The following ASB13 variants were observed in gnomAD, a reference collection of about 807,000 sequenced individuals.
ASB13 encodes the protein ankyrin repeat and SOCS box containing 13.
Under a neutral mutation model 28.8 loss-of-function variants are expected in ASB13, and 33 were observed. That is an observed-to-expected ratio of 1.15 (90% CI 0.87 to 1.53). The LOEUF is 1.53. ASB13 is among the 40% of genes most tolerant of loss of function. ASB13 has a pLI of 0.00. For synonymous variants in ASB13, 182 were observed against 172.9 expected (o/e 1.05, Z -0.41); for missense variants, 414 against 390.1 (o/e 1.06, Z -0.52).
At position 5,651,713 on chromosome 10, in the gene ASB13, C is replaced by G; in HGVS notation, c.232-350G>C. 5.2e-6 allele frequency: 1 copy of G among 192,214 alleles called. No individual in the cohort carries two copies. The highest frequency in any genetic ancestry group is 1.1e-4 in the South Asian group (1 of 9,118). 11.9% of individuals were successfully genotyped at this position (192,214 alleles called of 1,614,324 possible). On this transcript the variant is annotated intron_variant, in intron 2 of 5. Coordinates refer to ENST00000357700, the MANE Select transcript of ASB13 (RefSeq NM_024701.4). This position sits in a 1 kb window ranked among gnomAD's most constrained non-coding sequence, Gnocchi z 5.1. ...GCTTTAAAAATGAGTTTTAAAAACC[C>G]TAACCTCAGCTGGGCACAGTGGCTC...
In ASB13 at chr10:5,645,348, G is replaced by A. The variant is rs1834867023; in HGVS notation, c.518-3387C>T. On this transcript the variant is annotated intron_variant, in intron 4 of 5. Coordinates refer to ENST00000357700, the MANE Select transcript of ASB13 (RefSeq NM_024701.4). This position sits in a 1 kb window ranked among gnomAD's most constrained non-coding sequence, Gnocchi z 5.4. ...TGCCAGGGCCAGTGCTAAGAACAAA[G>A]GTGGAAGCAGGACCGTCCTCAGGGA... Among the ~76,000 whole-genome samples, 1 of 152,068 alleles carries A rather than the reference G, an allele frequency of 6.6e-6. No homozygotes were observed.
intron 1 of ASB13, among the ~76,000 whole-genome samples, chr10:5,665,112 C>T (rs1463120438): frequency 1.3e-5 from 2 of 152,226 alleles, no homozygotes; most frequent in Non-Finnish European, 2.9e-5. Flanking sequence ...CTGCCTCGGC[C>T]TCCCAAAGTG....
At position 5,641,906 on chromosome 10, in the gene ASB13, C is replaced by T. The variant is rs751970743; in HGVS notation, c.573G>A (p.Lys191=). Residue 191 remains lysine, a synonymous_variant, in exon 5 of 6, where the codon AAG becomes AAA. Coordinates refer to ENST00000357700, the MANE Select transcript of ASB13 (RefSeq NM_024701.4). The surrounding 1 kb of genome is among the most constrained non-coding windows in gnomAD (Gnocchi z 8.4). ...LHETALHHAA[K]VKNVDLIEML... is the part of the protein sequence containing the mutation. Reference sequence around the variant, plus strand: ...TCTCGATGAGGTCAACATTCTTGACCTTGGCCGCGTGGTGAAGGGCAGTCT... The same window carrying T: ...TCTCGATGAGGTCAACATTCTTGACTTTGGCCGCGTGGTGAAGGGCAGTCT... 6 of 1,613,774 alleles carry T rather than the reference C, an allele frequency of 3.7e-6. No individual in the cohort carries two copies. The East Asian group carries it at 8.9e-5, about 24-fold the overall frequency.
chr10:5,665,658 G>A (rs981164316), intron 1 of ASB13, among the ~76,000 whole-genome samples: 2 of 152,168 alleles, frequency 1.3e-5, no homozygotes, highest in African/African-American at 4.8e-5. Context: ...CTTTGATCAT[G>A]TCAAAGGTGG....
At position 5,650,114 on chromosome 10, in the gene ASB13, C is replaced by T. The variant is rs1293302496; in HGVS notation, c.383-1010G>A. Among the ~76,000 whole-genome samples, 1 of 152,138 alleles carries T rather than the reference C, an allele frequency of 6.6e-6. No individual in the cohort carries two copies. Among genetic ancestry groups the T allele is most frequent in the Non-Finnish European group, 1.5e-5 (1 of 68,026 alleles). ...TGACTCAAACCTGACTCATTTCTGA[C>T]CTCTTGAGCCTCCCCTTCATACGAA... On this transcript the variant is annotated intron_variant, in intron 3 of 5. Coordinates refer to ENST00000357700, the MANE Select transcript of ASB13 (RefSeq NM_024701.4). This position sits in a 1 kb window ranked among gnomAD's most constrained non-coding sequence, Gnocchi z 6.0.
In ASB13 at chr10:5,640,496, C is replaced by T. The variant is rs111505741; in HGVS notation, c.*207G>A. The T allele has an allele frequency of 3.0e-3, 1,809 of 610,188 alleles. 31 individuals are homozygous for T. Among genetic ancestry groups the T allele is most frequent in the African/African-American group, 0.027 (1,446 of 54,010 alleles). 37.8% of individuals were successfully genotyped at this position (610,188 alleles called of 1,614,324 possible). ...GAACAGCGCAGGGCCACACCCACAA[C>T]TGTGACCTGAGACGCAGGCCTTCCC... On this transcript the variant is annotated 3_prime_UTR_variant, in exon 6 of 6. Coordinates refer to ENST00000357700, the MANE Select transcript of ASB13 (RefSeq NM_024701.4).
chr10:5,651,499 C>T lies in ASB13; in HGVS notation c.232-136G>A, dbSNP rs905176148. On this transcript the variant is annotated intron_variant, in intron 2 of 5. Coordinates refer to ENST00000357700, the MANE Select transcript of ASB13 (RefSeq NM_024701.4). This position sits in a 1 kb window ranked among gnomAD's most constrained non-coding sequence, Gnocchi z 5.1. ...TGCTTTGCTATTATGTGCTAGGCAACGACACTGAAAGAGATAGCACGTGGC... is the reference window on the plus strand; with the variant it reads ...TGCTTTGCTATTATGTGCTAGGCAATGACACTGAAAGAGATAGCACGTGGC... 1.0e-5 allele frequency: 10 copies of T among 996,570 alleles called. No homozygotes were observed. Among genetic ancestry groups the T allele is most frequent in the South Asian group, 3.5e-5 (2 of 57,908 alleles). The allele number at this position is 996,570 out of a possible 1,614,324, so 61.7% of individuals were successfully genotyped here.
intron 1 of ASB13, among the ~76,000 whole-genome samples, chr10:5,665,837 G>A (rs1432009811): frequency 6.6e-6 from 1 of 151,682 alleles, no homozygotes; most frequent in Non-Finnish European, 1.5e-5. Flanking sequence ...TGCTTCCGTC[G>A]CTCATTTCAG....
In ASB13 at chr10:5,652,077, A is replaced by G. The variant is rs1390953395; in HGVS notation, c.232-714T>C. Among the ~76,000 whole-genome samples, 1 of 145,914 alleles carries G rather than the reference A, an allele frequency of 6.9e-6. No homozygotes were observed. The highest frequency in any genetic ancestry group is 2.6e-5 in the African/African-American group (1 of 38,822). On this transcript the variant is annotated intron_variant, in intron 2 of 5. Coordinates refer to ENST00000357700, the MANE Select transcript of ASB13 (RefSeq NM_024701.4). This position sits in a 1 kb window ranked among gnomAD's most constrained non-coding sequence, Gnocchi z 5.0. Reference sequence around the variant, plus strand: ...ACACACACACAAAACTCTAACCTCAATGGAAGGAATGCCTGAGACAGCTTA... The same window carrying G: ...ACACACACACAAAACTCTAACCTCAGTGGAAGGAATGCCTGAGACAGCTTA...
chr10:5,660,940 G>A lies in ASB13; in HGVS notation c.43+5569C>T, dbSNP rs1320537513. ...CGCCAGCTGGCTGCTGCACAGCCAGGTTCTGCTGGCCGGAGACCACCAGCA... is the reference window on the plus strand; with the variant it reads ...CGCCAGCTGGCTGCTGCACAGCCAGATTCTGCTGGCCGGAGACCACCAGCA... On this transcript the variant is annotated intron_variant, in intron 1 of 5. Transcript: ENST00000357700. The surrounding 1 kb of genome is among the most constrained non-coding windows in gnomAD (Gnocchi z 6.1). Among the ~76,000 whole-genome samples the A allele has an allele frequency of 6.6e-6, 1 of 152,236 alleles. No individual in the cohort carries two copies.
At chr10:5,662,576 G>GAGAAA in intron 1 of ASB13, among the ~76,000 whole-genome samples, 1 of 84,702 alleles carries the variant, frequency 1.2e-5, no homozygotes, top group East Asian at 3.0e-4. Context: ...GAGAAGAGAA[G>GAGAAA]AGAAGAGAAG....
In ASB13 at chr10:5,659,624, C is replaced by G. The variant is rs750730246; in HGVS notation, c.44-6574G>C. 7.2e-5 allele frequency among the ~76,000 whole-genome samples: 11 copies of G among 152,118 alleles called. No homozygotes were observed. Among genetic ancestry groups the G allele is most frequent in the Non-Finnish European group, 8.8e-5 (6 of 68,010 alleles). On this transcript the variant is annotated intron_variant, in intron 1 of 5. Transcript: ENST00000357700. This position sits in a 1 kb window ranked among gnomAD's most constrained non-coding sequence, Gnocchi z 5.8. The stretch of plus-strand genomic sequence containing the variant: ...TGAAATTCCTCGACTGAGGGGACCC[C>G]TGCTCCTTCAGGAAGCCTCCCGAGC...
rs1003335239 is a variant in ASB13, at chr10:5,655,872, C to A, written c.44-2822G>T. 6.6e-6 allele frequency among the ~76,000 whole-genome samples: 1 copy of A among 152,198 alleles called. No individual in the cohort carries two copies. Among genetic ancestry groups the A allele is most frequent in the Admixed American group, 6.5e-5 (1 of 15,286 alleles). ...CAGGAGGCCACCTGAGCCGGGAAGGCGCGTTCCCGACGTGCCTCCATTCAC... is the reference window on the plus strand; with the variant it reads ...CAGGAGGCCACCTGAGCCGGGAAGGAGCGTTCCCGACGTGCCTCCATTCAC... On this transcript the variant is annotated intron_variant, in intron 1 of 5. Transcript: ENST00000357700. This position sits in a 1 kb window ranked among gnomAD's most constrained non-coding sequence, Gnocchi z 6.2.
At position 5,640,616 on chromosome 10, in the gene ASB13, A is replaced by G; in HGVS notation, c.*87T>C. 2 of 1,545,854 alleles carry G rather than the reference A, an allele frequency of 1.3e-6. No individual in the cohort carries two copies. The highest frequency in any genetic ancestry group is 1.8e-6 in the Non-Finnish European group (2 of 1,124,888). On this transcript the variant is annotated 3_prime_UTR_variant, in exon 6 of 6. Coordinates refer to ENST00000357700, the MANE Select transcript of ASB13 (RefSeq NM_024701.4). ...GAGCGTTGTTCTATCTACAGCAATC[A>G]CGCTGCTTCAGAGGAACAGGCAGAG...
rs7907734 is a variant in ASB13, at chr10:5,651,686, A to G, written c.232-323T>C. The G allele has an allele frequency of 0.17, 37,463 of 219,188 alleles. 3,632 individuals carry two copies. The highest frequency in any genetic ancestry group is 0.21 in the Non-Finnish European group (23,944 of 111,610). 13.6% of individuals were successfully genotyped at this position (219,188 alleles called of 1,614,324 possible). A position where few individuals can be genotyped will look rare whatever the true frequency, so the allele number is the denominator to read the frequency against. ...CCCTAGGCTGCAAGCTGGGAAAGGC[A>G]GGCTTTAAAAATGAGTTTTAAAAAC... On this transcript the variant is annotated intron_variant, in intron 2 of 5. Transcript: ENST00000357700. This position sits in a 1 kb window ranked among gnomAD's most constrained non-coding sequence, Gnocchi z 5.1.
intron 1 of ASB13, 99 bp downstream of exon 1, chr10:5,666,410 G>A (rs1835261057): frequency 9.2e-7 from 1 of 1,082,794 alleles, no homozygotes; most frequent in South Asian, 3.4e-5. Flanking sequence ...CCAGCGCGGG[G>A]CGCGCCACCA....
Position 5,666,504 on chromosome 10 carries a change from C to T in ASB13, c.43+5G>A. 7.7e-7 allele frequency: 1 copy of T among 1,290,794 alleles called. No homozygotes were observed. Among genetic ancestry groups the T allele is most frequent in the Middle Eastern group, 2.9e-4 (1 of 3,398 alleles). 80.0% of individuals were successfully genotyped at this position (1,290,794 alleles called of 1,614,324 possible). A position where few individuals can be genotyped will look rare whatever the true frequency, so the allele number is the denominator to read the frequency against. On this transcript the variant is annotated splice_donor_5th_base_variant and intron_variant, in intron 1 of 5. Coordinates refer to ENST00000357700, the MANE Select transcript of ASB13 (RefSeq NM_024701.4). ...CGCTCTGACCTCCGCGGCGCCCGCACGTACCCACGTCGCCCAGGAAGCAGC... is the reference window on the plus strand; with the variant it reads ...CGCTCTGACCTCCGCGGCGCCCGCATGTACCCACGTCGCCCAGGAAGCAGC...
In ASB13 at chr10:5,655,006, G is replaced by A. The variant is rs192371251; in HGVS notation, c.44-1956C>T. Among the ~76,000 whole-genome samples, 47 of 152,186 alleles carry A rather than the reference G, an allele frequency of 3.1e-4. No homozygotes were observed. Among genetic ancestry groups the A allele is most frequent in the Middle Eastern group, 3.4e-3 (1 of 294 alleles). ...AATCCCCGCCACTTGGGAGGCTGAGGCAGGAGAATCACTTGAACCCGGGAG... is the reference window on the plus strand; with the variant it reads ...AATCCCCGCCACTTGGGAGGCTGAGACAGGAGAATCACTTGAACCCGGGAG... On this transcript the variant is annotated intron_variant, in intron 1 of 5. Transcript: ENST00000357700. This position sits in a 1 kb window ranked among gnomAD's most constrained non-coding sequence, Gnocchi z 6.2.
Position 5,640,650 on chromosome 10 carries a change from C to T in ASB13, c.*53G>A, listed in dbSNP as rs577170428. On this transcript the variant is annotated 3_prime_UTR_variant, in exon 6 of 6. Coordinates refer to ENST00000357700, the MANE Select transcript of ASB13 (RefSeq NM_024701.4). The stretch of plus-strand genomic sequence containing the variant: ...CAGAGGAACAGGCAGAGCCCTCACC[C>T]GGGCAATGCTGGGCACAACGGGGGC... 5.3e-5 allele frequency: 86 copies of T among 1,608,214 alleles called. No homozygotes were observed. The highest frequency in any genetic ancestry group is 6.6e-5 in the South Asian group (6 of 90,688).
Sources: gnomAD v4.1 joint callset for allele counts (sites outside exome capture counted in the v4.1 genomes callset) on GRCh38, gnomAD v4.1.1 for gene constraint, Gnocchi (gnomAD v3.1) non-coding constraint, MANE v1.5 for transcripts, NCBI Gene and HGNC (gene_info 2026-07-23, HGNC 2026-07-21) for gene names.